PKD2L2: variants seen among roughly 807,000 people sequenced by gnomAD.
PKD2L2 encodes the protein polycystin 2 like 2, transient receptor potential cation channel.
A neutral mutation model predicts 83.9 loss-of-function variants in PKD2L2; 67 were observed. That is an observed-to-expected ratio of 0.80 (90% CI 0.66 to 0.98). The LOEUF is 0.98. PKD2L2 is among the 50% of genes least tolerant of loss of function. The pLI is 0.00. For synonymous variants in PKD2L2, 223 were observed against 237.8 expected (o/e 0.94, Z 0.57); for missense variants, 632 against 717.2 (o/e 0.88, Z 1.36).
intron 4 of PKD2L2, 25 bp from the exon 5 acceptor site, chr5:137,899,491 C>T (rs1442584806): frequency 7.3e-7 from 1 of 1,362,818 alleles, no homozygotes; most frequent in Non-Finnish European, 1.0e-6. Context: ...TGTCATTTCA[C>T]CATTATTCTT....
chr5:137,933,347 G>A (rs1760044973), intron 12 of PKD2L2, among the ~76,000 whole-genome samples: 1 of 152,152 alleles, frequency 6.6e-6, no homozygotes, highest in Admixed American at 6.5e-5. Flanking sequence ...GAGAAGCAAA[G>A]TCCCAACAGT....
Position 137,931,055 on chromosome 5 carries a change from T to C in PKD2L2, c.1672-4742T>C, listed in dbSNP as rs1026390687. Among the ~76,000 whole-genome samples, 7 of 152,228 alleles carry C rather than the reference T, an allele frequency of 4.6e-5. No homozygotes were observed. In the East Asian group the frequency reaches 1.3e-3, roughly 29 times the overall value. ...AAGAAATGGAAGGAATTAAAAGATC[T>C]CACTAATAGACTTTTTTGTATAACT... On this transcript the variant is annotated intron_variant, in intron 12 of 14. Transcript: ENST00000508883.
chr5:137,901,787 C>T (rs1485242556), intron 5 of PKD2L2, among the ~76,000 whole-genome samples: 5 of 152,044 alleles, frequency 3.3e-5, no homozygotes, highest in Non-Finnish European at 5.9e-5. Flanking sequence ...AAAGGATTGT[C>T]GACACTGTGG....
chr5:137,927,513 A>C (rs1759473333), intron 12 of PKD2L2, among the ~76,000 whole-genome samples: 1 of 152,246 alleles, frequency 6.6e-6, no homozygotes, highest in South Asian at 2.1e-4. Context: ...CTATAAAGGC[A>C]TCATTGGGGC....
chr5:137,929,844 T>C (rs574814538), intron 12 of PKD2L2, among the ~76,000 whole-genome samples: 1 of 152,118 alleles, frequency 6.6e-6, no homozygotes, highest in African/African-American at 2.4e-5. Flanking sequence ...TTCCAAAATG[T>C]TAAATATAAA....
chr5:137,900,068 G>T (rs928924598), intron 5 of PKD2L2, among the ~76,000 whole-genome samples: 7 of 152,080 alleles, frequency 4.6e-5, no homozygotes, highest in African/African-American at 1.7e-4. Context: ...GTTAAAATTT[G>T]CCAAAACTTA....
At chr5:137,896,365 C>T (rs1011490560) in intron 4 of PKD2L2, among the ~76,000 whole-genome samples, 1 of 152,124 alleles carries the variant, frequency 6.6e-6, no homozygotes, top group Non-Finnish European at 1.5e-5. Flanking sequence ...ATTACATTCT[C>T]ATACTGCTAC....
chr5:137,898,122 AC>A (rs1402972578), intron 4 of PKD2L2, among the ~76,000 whole-genome samples: 2 of 151,946 alleles, frequency 1.3e-5, no homozygotes, highest in Non-Finnish European at 2.9e-5. Flanking sequence ...ATGCGCCACC[AC>A]GCCCAGCTAA....
In PKD2L2 at chr5:137,942,661, C is replaced by T. The variant is rs1762207920; in HGVS notation, c.*295C>T. Reference sequence around the variant, plus strand: ...TATAGGCATGAGCCACTGTGCCTGGCTAGATTTTTTTTTAATTTTTGAAAT... The same window carrying T: ...TATAGGCATGAGCCACTGTGCCTGGTTAGATTTTTTTTTAATTTTTGAAAT... On this transcript the variant is annotated 3_prime_UTR_variant, in exon 15 of 15. Coordinates refer to ENST00000508883, the MANE Select transcript of PKD2L2 (RefSeq NM_001300921.2). 1 of 513,184 alleles carries T rather than the reference C, an allele frequency of 1.9e-6. No homozygotes were observed. The highest frequency in any genetic ancestry group is 3.3e-6 in the Non-Finnish European group (1 of 301,840). The allele number at this position is 513,184 out of a possible 1,614,324, so 31.8% of individuals were successfully genotyped here. A position where few individuals can be genotyped will look rare whatever the true frequency, so the allele number is the denominator to read the frequency against.
rs1399200979 is a variant in PKD2L2 at position 137,911,737 on chromosome 5, CAGT to C, written c.1328+2794_1328+2796del. 2.0e-5 allele frequency among the ~76,000 whole-genome samples: 3 copies of C among 152,142 alleles called. No homozygotes were observed. In the East Asian group the frequency reaches 5.8e-4, roughly 29 times the overall value. On this transcript the variant is annotated intron_variant, in intron 8 of 14. Coordinates refer to ENST00000508883, the MANE Select transcript of PKD2L2 (RefSeq NM_001300921.2). ...TATTAACTATAGTCACCATGCTATA[CAGT>C]AGATCTCCAGAATTTATTCTGTCTA...
At chr5:137,892,130 A>G (rs1048760410) in intron 2 of PKD2L2, among the ~76,000 whole-genome samples, 9 of 152,218 alleles carry the variant, frequency 5.9e-5, no homozygotes, top group South Asian at 2.1e-4. Context: ...TCTGAATTCA[A>G]AGTCCATGTA....
chr5:137,921,839 T>G, intron 9 of PKD2L2, 83 bp downstream of exon 9: 1 of 1,050,282 alleles, frequency 9.5e-7, no homozygotes, highest in Non-Finnish European at 1.4e-6. Flanking sequence ...CTATTATTTC[T>G]GCTCAGCTGT....
chr5:137,914,653 T>G (rs779518985), intron 8 of PKD2L2, among the ~76,000 whole-genome samples: 1 of 152,230 alleles, frequency 6.6e-6, no homozygotes, highest in Non-Finnish European at 1.5e-5. Context: ...GGCTAGGACT[T>G]TCAATACTGT....
chr5:137,920,334 AAATTCT>A (rs1229867606), intron 8 of PKD2L2, among the ~76,000 whole-genome samples: 4 of 152,260 alleles, frequency 2.6e-5, no homozygotes, highest in African/African-American at 7.2e-5. Context: ...TCAAGTTAGA[AAATTCT>A]AATTCTACTT....
rs760596890 is a variant in PKD2L2, at chr5:137,906,451, G to A, written c.975+17G>A. The A allele has an allele frequency of 3.8e-6, 5 of 1,329,114 alleles. No individual in the cohort carries two copies. In the East Asian group the frequency reaches 9.2e-5, roughly 25 times the overall value. 82.3% of individuals were successfully genotyped at this position (1,329,114 alleles called of 1,614,324 possible). A position where few individuals can be genotyped will look rare whatever the true frequency, so the allele number is the denominator to read the frequency against. On this transcript the variant is annotated intron_variant, in intron 6 of 14. Coordinates refer to ENST00000508883, the MANE Select transcript of PKD2L2 (RefSeq NM_001300921.2). ...CTTTTGCTGGTGAGTATATATTCAT[G>A]TGTATGGTTGAAGGGGATCACATCT...
chr5:137,923,655 G>C, intron 10 of PKD2L2, 134 bp downstream of exon 10: 2 of 628,676 alleles, frequency 3.2e-6, no homozygotes, highest in Non-Finnish European at 5.8e-6. Flanking sequence ...CCCAGGGTTT[G>C]TTTTGTGTTT....
chr5:137,932,348 CAAA>C (rs533671829), intron 12 of PKD2L2, among the ~76,000 whole-genome samples: 1 of 136,698 alleles, frequency 7.3e-6, no homozygotes, highest in African/African-American at 2.7e-5. Flanking sequence ...AACTCTGTCT[CAAA>C]AAAAAAAAGA....
At position 137,899,699 on chromosome 5, in the gene PKD2L2, C is replaced by A. The variant is rs202096591; in HGVS notation, c.708C>A (p.Ser236=). ...CTAGAGTTATTTTTATTGATTTTTC[C>A]TTATATAATGCTAATGTAAATCTAT... ...RGTRVIFIDF[S]LYNANVNLFC... is the part of the protein sequence containing the mutation. The change falls in exon 5 of 15, where the codon TCC becomes TCA. Residue 236 remains serine (S), a synonymous_variant. Coordinates refer to ENST00000508883, the MANE Select transcript of PKD2L2 (RefSeq NM_001300921.2). 12 of 1,609,876 alleles carry A rather than the reference C, an allele frequency of 7.5e-6. No individual in the cohort carries two copies. The highest frequency in any genetic ancestry group is 1.0e-5 in the Non-Finnish European group (12 of 1,176,442).
chr5:137,927,103 T>C (rs1561703790), intron 12 of PKD2L2, among the ~76,000 whole-genome samples: 1 of 152,184 alleles, frequency 6.6e-6, no homozygotes, highest in Non-Finnish European at 1.5e-5. Flanking sequence ...TCATAACCCA[T>C]TGAATAAAAG....
Sources: allele counts gnomAD v4.1 joint callset (sites outside exome capture counted in the v4.1 genomes callset), GRCh38; gene constraint gnomAD v4.1.1; transcripts MANE v1.5; gene names NCBI Gene and HGNC (gene_info 2026-07-23, HGNC 2026-07-21).